Variants in IQCH observed in about 807,000 individuals in gnomAD.
IQCH encodes IQ motif containing H, also known as IQ domain-containing protein H.
A neutral mutation model predicts 117.0 loss-of-function variants in IQCH; 98 were observed. That is an observed-to-expected ratio of 0.84 (90% CI 0.71 to 0.99). The LOEUF is 0.99. Among genes scored for constraint, IQCH ranks in the 50% least tolerant of loss-of-function variants. The pLI is 0.00. For synonymous variants in IQCH, 412 were observed against 448.2 expected (o/e 0.92, Z 1.02); for missense variants, 1,102 against 1,243.8 (o/e 0.89, Z 1.72).
rs184189028 is a variant in IQCH, at chr15:67,278,505, G to A, written c.270-890G>A. 3.4e-3 allele frequency among the ~76,000 whole-genome samples: 514 copies of A among 152,358 alleles called. 2 individuals are homozygous for A. Among genetic ancestry groups the A allele is most frequent in the Non-Finnish European group, 5.6e-3 (384 of 68,042 alleles). ...GCTCTCAGGCTTCTGCTCCCTGCAA[G>A]CTGTGATGCTTTATAATACTCCTCT... On this transcript the variant is annotated intron_variant, in intron 3 of 20. Transcript: ENST00000335894.
intron 6 of IQCH, among the ~76,000 whole-genome samples, chr15:67,355,213 G>A (rs1344466433): frequency 1.3e-5 from 2 of 152,086 alleles, no homozygotes; most frequent in African/African-American, 2.4e-5. Context: ...AAATTTAACT[G>A]CATGTTCTTA....
At chr15:67,349,070 G>T (rs1013773233) in intron 6 of IQCH, among the ~76,000 whole-genome samples, 1 of 152,202 alleles carries the variant, frequency 6.6e-6, no homozygotes, top group Non-Finnish European at 1.5e-5. Context: ...GGGAAAAAAA[G>T]AACCTTAACC....
chr15:67,409,850 C>G lies in IQCH; in HGVS notation c.2098-7081C>G, dbSNP rs568458338. Among the ~76,000 whole-genome samples the G allele has an allele frequency of 1.7e-4, 26 of 152,286 alleles. No individual in the cohort carries two copies. The South Asian group carries it at 5.2e-3, about 30-fold the overall frequency. On this transcript the variant is annotated intron_variant, in intron 14 of 20. Coordinates refer to ENST00000335894, the MANE Select transcript of IQCH (RefSeq NM_001031715.3). ...TTACCTTCTACAGCAGCATAATTTT[C>G]CATCTCATCGAAGGCAAAGTTGGCA...
intron 14 of IQCH, among the ~76,000 whole-genome samples, chr15:67,410,220 C>T (rs926029799): frequency 7.2e-5 from 11 of 152,158 alleles, no homozygotes; most frequent in African/African-American, 2.4e-4. Flanking sequence ...TAACAGAAAA[C>T]CCAACTCAAA....
At position 67,283,151 on chromosome 15, in the gene IQCH, C is replaced by T. The variant is rs919432733; in HGVS notation, c.387+3639C>T. ...TTTTCCTCCAAATTTATCAGTAATACATGCTTGTTGTTGTGACAAACATAA... is the reference window on the plus strand; with the variant it reads ...TTTTCCTCCAAATTTATCAGTAATATATGCTTGTTGTTGTGACAAACATAA... On this transcript the variant is annotated intron_variant, in intron 4 of 20. Coordinates refer to ENST00000335894, the MANE Select transcript of IQCH (RefSeq NM_001031715.3). Among the ~76,000 whole-genome samples the T allele has an allele frequency of 2.9e-4, 44 of 152,264 alleles. 1 individual carries two copies. Among genetic ancestry groups the T allele is most frequent in the African/African-American group, 1.0e-3 (42 of 41,556 alleles).
chr15:67,286,504 T>C (rs536040854), intron 4 of IQCH, among the ~76,000 whole-genome samples: 24 of 152,322 alleles, frequency 1.6e-4, no homozygotes, highest in African/African-American at 5.5e-4. Flanking sequence ...GTCCTTGTCA[T>C]GTTCCCAAAC....
intron 16 of IQCH, among the ~76,000 whole-genome samples, chr15:67,440,145 T>C (rs184703434): frequency 1.3e-5 from 2 of 151,790 alleles, no homozygotes; most frequent in Non-Finnish European, 2.9e-5. Context: ...CCTGGAAAAA[T>C]ACAACCCTCC....
chr15:67,498,256 A>G (rs1051823259), intron 20 of IQCH, among the ~76,000 whole-genome samples: 1 of 152,178 alleles, frequency 6.6e-6, no homozygotes, highest in Non-Finnish European at 1.5e-5. Context: ...GAGAAAAAAT[A>G]TTTTTTAAAT....
chr15:67,499,297 C>CAAAAAAAAAAAAAAAAAAA (rs59618730), intron 20 of IQCH, among the ~76,000 whole-genome samples: 17 of 49,160 alleles, frequency 3.5e-4, no homozygotes, highest in African/African-American at 1.3e-3. Flanking sequence ...AGACCTGTCC[C>CAAAAAAAAAAAAAAAAAAA]AAAAAAAAAA....
chr15:67,356,302 A>G lies in IQCH; in HGVS notation c.638-1043A>G, dbSNP rs905168008. ...GTCACAGGGAAGCTTGCCGGAAGCC[A>G]GGGAAACCAGAGGGTTGTAAAAATG... On this transcript the variant is annotated intron_variant, in intron 6 of 20. Transcript: ENST00000335894. This position sits in a 1 kb window ranked among gnomAD's most constrained non-coding sequence, Gnocchi z 5.3. Among the ~76,000 whole-genome samples, 1 of 152,214 alleles carries G rather than the reference A, an allele frequency of 6.6e-6. No individual in the cohort carries two copies.
intron 16 of IQCH, among the ~76,000 whole-genome samples, chr15:67,440,348 A>G (rs187560042): frequency 8.5e-4 from 130 of 152,292 alleles, no homozygotes; most frequent in Admixed American, 1.8e-3. Flanking sequence ...GAAAGAAGAA[A>G]CCTTCCCTAA....
intron 18 of IQCH, among the ~76,000 whole-genome samples, chr15:67,485,731 T>A (rs1371161119): frequency 6.6e-6 from 1 of 152,234 alleles, no homozygotes; most frequent in Admixed American, 6.5e-5. Context: ...TGATCTTGGC[T>A]CACTGCAACC....
At position 67,332,018 on chromosome 15, in the gene IQCH, T is replaced by C. The variant is rs1346787570; in HGVS notation, c.388-4957T>C. Among the ~76,000 whole-genome samples the C allele has an allele frequency of 9.2e-5, 14 of 152,292 alleles. No individual in the cohort carries two copies. In the South Asian group the frequency reaches 1.7e-3, roughly 18 times the overall value. The stretch of plus-strand genomic sequence containing the variant: ...TACTCAGCTAAAACTCAGGATGTCC[T>C]ATTCTAAAAGGAACCAAGTACCACA... On this transcript the variant is annotated intron_variant, in intron 4 of 20. Transcript: ENST00000335894.
chr15:67,396,243 C>T (rs1291588950), intron 13 of IQCH, among the ~76,000 whole-genome samples: 1 of 152,086 alleles, frequency 6.6e-6, no homozygotes, highest in Non-Finnish European at 1.5e-5. Flanking sequence ...AGTGAGCCTC[C>T]CCACTGGGTC....
chr15:67,297,518 A>G (rs965638464), intron 4 of IQCH, among the ~76,000 whole-genome samples: 1 of 152,124 alleles, frequency 6.6e-6, no homozygotes, highest in African/African-American at 2.4e-5. Context: ...TATAATCTCA[A>G]ATCTCTTCTG....
chr15:67,354,817 A>G (rs1969820636), intron 6 of IQCH, among the ~76,000 whole-genome samples: 3 of 152,236 alleles, frequency 2.0e-5, no homozygotes, highest in African/African-American at 7.2e-5. Context: ...TTTCTACTTT[A>G]CCCTCTTTGG....
intron 19 of IQCH, among the ~76,000 whole-genome samples, chr15:67,492,232 C>T (rs2083675573): frequency 6.6e-6 from 1 of 152,110 alleles, no homozygotes; most frequent in Non-Finnish European, 1.5e-5. Context: ...TATTTCTAAG[C>T]CCAGGAATTC....
chr15:67,294,354 C>T lies in IQCH; in HGVS notation c.387+14842C>T, dbSNP rs545160266. Among the ~76,000 whole-genome samples, 16 of 152,250 alleles carry T rather than the reference C, an allele frequency of 1.1e-4. No individual in the cohort carries two copies. The East Asian group carries it at 1.7e-3, about 17-fold the overall frequency. On this transcript the variant is annotated intron_variant, in intron 4 of 20. Transcript: ENST00000335894. ...TCTATTTCCTTGCCTATATTACTAA[C>T]AACTGATTTTGCTCAGGATGGCGTT...
rs1168948938 is a variant in IQCH, at chr15:67,393,997, G to T, written c.1633-1294G>T. Among the ~76,000 whole-genome samples the T allele has an allele frequency of 2.0e-5, 3 of 152,208 alleles. No individual in the cohort carries two copies. Among genetic ancestry groups the T allele is most frequent in the East Asian group, 3.9e-4 (2 of 5,184 alleles). On this transcript the variant is annotated intron_variant, in intron 12 of 20. Transcript: ENST00000335894. The surrounding 1 kb of genome is among the most constrained non-coding windows in gnomAD (Gnocchi z 5.5). ...ACAGGTGAAGAAATAGGCTCAGGGG[G>T]TCTAAGTTACTTGCCTACATTAATG...
Sources: allele counts gnomAD v4.1 joint callset (sites outside exome capture counted in the v4.1 genomes callset), GRCh38; gene constraint gnomAD v4.1.1; non-coding constraint Gnocchi (gnomAD v3.1); transcripts MANE v1.5; gene names NCBI Gene and HGNC (gene_info 2026-07-23, HGNC 2026-07-21).